Variants in UHRF1 observed in about 807,000 individuals in gnomAD.
UHRF1 encodes the protein E3 ubiquitin-protein ligase UHRF1.
In UHRF1, 9 loss-of-function variants were observed where a neutral mutation model predicts 96.5. That is an observed-to-expected ratio of 0.09 (90% confidence interval 0.06 to 0.16). The LOEUF (loss-of-function observed/expected upper bound fraction) is 0.16. Ranked by LOEUF, UHRF1 falls within the 10% of genes least tolerant of loss-of-function variation. The probability of loss-of-function intolerance (pLI) is 1.00; values close to 1 mark genes in which losing one functional copy is unlikely to be tolerated. For synonymous variants in UHRF1, 455 were observed against 469.9 expected, an observed-to-expected ratio of 0.97 and a Z score of 0.41; for missense variants, 626 against 1,131.1, an observed-to-expected ratio of 0.55 and a Z score of 6.40.
chr19:4,951,102 C>T, intron 13 of UHRF1, 106 bp downstream of exon 13: 1 of 1,391,428 alleles, frequency 7.2e-7, no homozygotes, highest in Non-Finnish European at 9.4e-7. Flanking sequence ...CTCATCTCTA[C>T]TAAAAATACA....
chr19:4,931,952 G>A (rs2033066111), intron 4 of UHRF1, among the ~76,000 whole-genome samples: 2 of 152,250 alleles, frequency 1.3e-5, no homozygotes, highest in African/African-American at 2.4e-5. Flanking sequence ...TTGTTTTTGA[G>A]ACAGAGTTTC....
intron 16 of UHRF1, among the ~76,000 whole-genome samples, chr19:4,959,027 G>C (rs2033926719): frequency 6.6e-6 from 1 of 151,570 alleles, no homozygotes; most frequent in Non-Finnish European, 1.5e-5. Context: ...GCCCAGGCTG[G>C]AGTGCAGTGG....
intron 5 of UHRF1, among the ~76,000 whole-genome samples, chr19:4,935,527 T>C (rs1262162391): frequency 6.6e-6 from 1 of 152,134 alleles, no homozygotes; most frequent in Non-Finnish European, 1.5e-5. Context: ...TACTTTGCGG[T>C]TGAAGGATGG....
intron 5 of UHRF1, among the ~76,000 whole-genome samples, chr19:4,933,972 C>CGT (rs59657454): frequency 2.1e-5 from 2 of 93,398 alleles, no homozygotes; most frequent in South Asian, 9.9e-4. Flanking sequence ...TGTGTGTGTG[C>CGT]GTGTGTGTGT....
At chr19:4,947,456 C>T (rs899044000) in intron 11 of UHRF1, among the ~76,000 whole-genome samples, 2 of 139,828 alleles carry the variant, frequency 1.4e-5, no homozygotes, top group Non-Finnish European at 3.1e-5. Flanking sequence ...TGGATGAAAG[C>T]AAACTTCCCT....
chr19:4,959,365 C>G (rs1178422045), intron 16 of UHRF1, among the ~76,000 whole-genome samples: 2 of 152,198 alleles, frequency 1.3e-5, no homozygotes, highest in Admixed American at 6.5e-5. Flanking sequence ...CACAGGCTGC[C>G]TGGGGCAGGT....
Position 4,950,597 on chromosome 19 carries a change from G to C in UHRF1, c.1518-14G>C, listed in dbSNP as rs774217513. 1.2e-6 allele frequency: 2 copies of C among 1,609,834 alleles called. No individual in the cohort carries two copies. The highest frequency in any genetic ancestry group is 2.2e-5 in the South Asian group (2 of 90,718). On this transcript the variant is annotated splice_polypyrimidine_tract_variant and intron_variant, in intron 11 of 16. Coordinates refer to ENST00000650932, the MANE Select transcript of UHRF1 (RefSeq NM_001048201.3). ...CCTCACCTATAATGCGTGGGGTCCTGACTCTCCCTGCAGGGCGCTGGCTCT... is the reference window on the plus strand; with the variant it reads ...CCTCACCTATAATGCGTGGGGTCCTCACTCTCCCTGCAGGGCGCTGGCTCT...
intron 11 of UHRF1, among the ~76,000 whole-genome samples, chr19:4,947,756 C>T (rs1020353941): frequency 6.6e-6 from 1 of 151,790 alleles, no homozygotes; most frequent in African/African-American, 2.4e-5. Flanking sequence ...CCTCCTCGGC[C>T]TCCCAATATT....
At chr19:4,911,627 C>T (rs1465501392) in intron 2 of UHRF1, among the ~76,000 whole-genome samples, 1 of 152,158 alleles carries the variant, frequency 6.6e-6, no homozygotes, top group Non-Finnish European at 1.5e-5. Context: ...GTCCACCGAC[C>T]CTCGTCTCTT....
rs1270527464 is a variant in UHRF1 at position 4,961,197 on chromosome 19, C to T, written c.*394C>T. 3.2e-4 allele frequency: 27 copies of T among 85,394 alleles called. No homozygotes were observed. Among genetic ancestry groups the T allele is most frequent in the East Asian group, 6.9e-4 (2 of 2,904 alleles). 5.3% of individuals were successfully genotyped at this position (85,394 alleles called of 1,614,324 possible). A position where few individuals can be genotyped will look rare whatever the true frequency, so the allele number is the denominator to read the frequency against. On this transcript the variant is annotated 3_prime_UTR_variant, in exon 17 of 17. Transcript: ENST00000650932. The stretch of plus-strand genomic sequence containing the variant: ...AAGGCGACAGGATCAGTCCTTCTCT[C>T]GGGTTCTGGCCCCCAAGGTCAGAGC...
chr19:4,926,979 C>T (rs994817114), intron 2 of UHRF1, among the ~76,000 whole-genome samples: 25 of 152,098 alleles, frequency 1.6e-4, no homozygotes, highest in African/African-American at 4.8e-4. Context: ...AGGAGAATGG[C>T]GAACCTGGGA....
In UHRF1 at chr19:4,954,612, C is replaced by CCACG. The variant is rs767828031; in HGVS notation, c.1958-36_1958-33dup. The CCACG allele has an allele frequency of 6.2e-7, 1 of 1,603,946 alleles. No individual in the cohort carries two copies. Among genetic ancestry groups the CCACG allele is most frequent in the Non-Finnish European group, 8.5e-7 (1 of 1,174,862 alleles). ...GTGGCTGTCTCTCCGGCAGCTCGGG[C>CCACG]CACGCGCCCCTCCCTCACGCGCCCC... On this transcript the variant is annotated intron_variant, in intron 14 of 16. Transcript: ENST00000650932. This position sits in a 1 kb window ranked among gnomAD's most constrained non-coding sequence, Gnocchi z 5.9.
In UHRF1 at chr19:4,943,434, G is replaced by C. The variant is rs188962016; in HGVS notation, c.1074-698G>C. 5.9e-5 allele frequency among the ~76,000 whole-genome samples: 9 copies of C among 151,818 alleles called. No homozygotes were observed. The South Asian group carries it at 8.4e-4, about 14-fold the overall frequency. ...GGGGAGGTTGTGATGTGCTAGGCTCGGGTCTGAGGACCTGCCTGTGGTCAT... is the reference window on the plus strand; with the variant it reads ...GGGGAGGTTGTGATGTGCTAGGCTCCGGTCTGAGGACCTGCCTGTGGTCAT... On this transcript the variant is annotated intron_variant, in intron 7 of 16. Coordinates refer to ENST00000650932, the MANE Select transcript of UHRF1 (RefSeq NM_001048201.3).
intron 5 of UHRF1, among the ~76,000 whole-genome samples, chr19:4,933,246 CGCTCTGTTGCCCA>C (rs2033113775): frequency 6.6e-6 from 1 of 152,062 alleles, no homozygotes; most frequent in Admixed American, 6.6e-5. Context: ...TTTTTTTTAT[CGCTCTGTTGCCCA>C]GGCTGGAGTG....
At chr19:4,932,397 G>C (rs1411975781) in intron 4 of UHRF1, among the ~76,000 whole-genome samples, 1 of 152,194 alleles carries the variant, frequency 6.6e-6, no homozygotes, top group Non-Finnish European at 1.5e-5. Flanking sequence ...CACCAGTCCT[G>C]TTGGATTGGG....
chr19:4,929,501 C>T lies in UHRF1; in HGVS notation c.408+25C>T, dbSNP rs776322945. ...GGTGAGCCTCCCCTCCGCAGCTGCT[C>T]TGGGGTTGGACGTTCTCCCTGCCAT... On this transcript the variant is annotated intron_variant, in intron 3 of 16. Transcript: ENST00000650932. 8 of 1,598,440 alleles carry T rather than the reference C, an allele frequency of 5.0e-6. No homozygotes were observed. In the South Asian group the frequency reaches 7.8e-5, roughly 16 times the overall value.
chr19:4,954,769 C>T lies in UHRF1; in HGVS notation c.2077C>T (p.Leu693=). ...CAGAGAGGACAAGAGCAACGCCAAGCTGTGGAATGAGGTCCTGGCGTCACT... is the reference window on the plus strand; with the variant it reads ...CAGAGAGGACAAGAGCAACGCCAAGTTGTGGAATGAGGTCCTGGCGTCACT... ...LIREDKSNAK[L]WNEVLASLKD... The change falls in exon 15 of 17, where the codon CTG becomes TTG. Residue 693 remains leucine, a synonymous_variant. Coordinates refer to ENST00000650932, the MANE Select transcript of UHRF1 (RefSeq NM_001048201.3). This position sits in a 1 kb window ranked among gnomAD's most constrained non-coding sequence, Gnocchi z 5.9. 6.2e-7 allele frequency: 1 copy of T among 1,613,890 alleles called. No homozygotes were observed. The highest frequency in any genetic ancestry group is 8.5e-7 in the Non-Finnish European group (1 of 1,179,864).
At chr19:4,908,896 C>A (rs998076594), upstream of UHRF1, among the ~76,000 whole-genome samples, 5 of 152,108 alleles carry the variant, frequency 3.3e-5, no homozygotes, top group African/African-American at 1.2e-4. Flanking sequence ...CAGGACTGGT[C>A]AGAGTGGAAC....
At chr19:4,936,271 C>T (rs1022199406) in intron 5 of UHRF1, among the ~76,000 whole-genome samples, 10 of 152,158 alleles carry the variant, frequency 6.6e-5, no homozygotes, top group South Asian at 6.2e-4. Context: ...TTAGCACCTT[C>T]GACTTCTATC....
Sources: gnomAD v4.1 joint callset for allele counts (sites outside exome capture counted in the v4.1 genomes callset) on GRCh38, gnomAD v4.1.1 for gene constraint, Gnocchi (gnomAD v3.1) non-coding constraint, MANE v1.5 for transcripts, NCBI Gene and HGNC (gene_info 2026-07-23, HGNC 2026-07-21) for gene names.